Variants in ZC3HAV1 observed in about 807,000 individuals in gnomAD.
The protein encoded by ZC3HAV1 is zinc finger CCCH-type containing, antiviral 1.
A neutral mutation model predicts 86.6 loss-of-function variants in ZC3HAV1; 41 were observed. The observed-to-expected ratio is 0.47, with a 90% CI of 0.37 to 0.61. The LOEUF is 0.61. Ranked by LOEUF, ZC3HAV1 falls within the 20% of genes least tolerant of loss-of-function variation. The pLI is 0.00. For missense variants in ZC3HAV1, 964 were observed against 1,141.1 expected, an observed-to-expected ratio of 0.84 and a Z score of 2.24; for synonymous variants, 421 against 432.1, an observed-to-expected ratio of 0.97 and a Z score of 0.32.
chr7:139,099,090 C>T (rs1158099241), intron 1 of ZC3HAV1, among the ~76,000 whole-genome samples: 2 of 151,904 alleles, frequency 1.3e-5, no homozygotes, highest in Non-Finnish European at 2.9e-5. Context: ...TATCATGGTT[C>T]ACAATATTAC....
rs1379906931 is a variant in ZC3HAV1, at chr7:139,108,599, G to A, written c.308+425C>T. Among the ~76,000 whole-genome samples, 1 of 152,202 alleles carries A rather than the reference G, an allele frequency of 6.6e-6. No individual in the cohort carries two copies. The highest frequency in any genetic ancestry group is 1.9e-4 in the East Asian group (1 of 5,192). On this transcript the variant is annotated intron_variant, in intron 1 of 12. Transcript: ENST00000242351. The surrounding 1 kb of genome is among the most constrained non-coding windows in gnomAD (Gnocchi z 4.2). The stretch of plus-strand genomic sequence containing the variant: ...GCGGCTGGGTTACTGGCTCCGCCAC[G>A]TCTAGGGAAGGAGGTAGTAGGGAGG...
At chr7:139,066,885 T>C (rs1228645881) in intron 7 of ZC3HAV1, among the ~76,000 whole-genome samples, 2 of 152,168 alleles carry the variant, frequency 1.3e-5, no homozygotes, top group African/African-American at 4.8e-5. Flanking sequence ...CTTTCAAACA[T>C]TGACATACAT....
At chr7:139,101,561 G>A (rs1268696253) in intron 1 of ZC3HAV1, among the ~76,000 whole-genome samples, 27 of 134,650 alleles carry the variant, frequency 2.0e-4, no homozygotes, top group African/African-American at 7.4e-4. Flanking sequence ...GCGGTTTTGT[G>A]GAATAGAAAA....
intron 10 of ZC3HAV1, among the ~76,000 whole-genome samples, chr7:139,054,660 C>T (rs1456110122): frequency 6.6e-6 from 1 of 152,182 alleles, no homozygotes; most frequent in Non-Finnish European, 1.5e-5. Context: ...CCAAATGAGA[C>T]TGTGTGTGGC....
intron 1 of ZC3HAV1, among the ~76,000 whole-genome samples, chr7:139,097,418 ATATATATATATT>A (rs1817627349): frequency 1.3e-5 from 1 of 78,512 alleles, no homozygotes; most frequent in Non-Finnish European, 2.2e-5. Context: ...ATATATATAT[ATATATATATATT>A]TTTTTTTTTT....
At chr7:139,086,060 CTGCAGGG>C (rs1210841289) in intron 2 of ZC3HAV1, among the ~76,000 whole-genome samples, 37 of 151,930 alleles carry the variant, frequency 2.4e-4, no homozygotes, top group African/African-American at 7.3e-4. Flanking sequence ...AGCTGCAAAT[CTGCAGGG>C]ATAATTCCTC....
At chr7:139,078,923 T>C (rs1817038458) in intron 4 of ZC3HAV1, among the ~76,000 whole-genome samples, 1 of 152,238 alleles carries the variant, frequency 6.6e-6, no homozygotes, top group East Asian at 1.9e-4. Flanking sequence ...TCCCTGTGGT[T>C]CTACTGGTTG....
At chr7:139,087,689 G>T (rs1817310478) in intron 2 of ZC3HAV1, among the ~76,000 whole-genome samples, 1 of 152,040 alleles carries the variant, frequency 6.6e-6, no homozygotes, top group Non-Finnish European at 1.5e-5. Flanking sequence ...GAGTCAAAAA[G>T]TATTTAAGCC....
At position 139,079,584 on chromosome 7, in the gene ZC3HAV1, C is replaced by T. The variant is rs773786419; in HGVS notation, c.1357G>A (p.Gly453Ser). 17 of 1,613,992 alleles carry T rather than the reference C, an allele frequency of 1.1e-5. No individual in the cohort carries two copies. The highest frequency in any genetic ancestry group is 1.6e-4 in the Middle Eastern group (1 of 6,084). Residue 453 changes from glycine (G) to serine (S), a missense_variant, in exon 4 of 13, where the codon GGT becomes AGT. Transcript: ENST00000242351. ...CTAGGTGATGATATTTCTCTGTGACCGCTGCTAGTGCTTTTGTAATTTAAG... is the reference window on the plus strand; with the variant it reads ...CTAGGTGATGATATTTCTCTGTGACTGCTGCTAGTGCTTTTGTAATTTAAG... ...RSLNYKSTSS[G>S]HREISSPRIQ... is the part of the protein sequence containing the mutation.
intron 1 of ZC3HAV1, among the ~76,000 whole-genome samples, chr7:139,104,979 G>A (rs1817888497): frequency 6.8e-6 from 1 of 147,936 alleles, no homozygotes; most frequent in Admixed American, 6.8e-5. Context: ...GTTGCAGCGA[G>A]CTGAGATCAC....
intron 1 of ZC3HAV1, among the ~76,000 whole-genome samples, chr7:139,102,986 T>G (rs1053170985): frequency 6.7e-6 from 1 of 149,000 alleles, no homozygotes; most frequent in Non-Finnish European, 1.5e-5. Context: ...GTGTGTGTGT[T>G]TATATATGAT....
chr7:139,100,290 G>C (rs1012350393), intron 1 of ZC3HAV1, among the ~76,000 whole-genome samples: 2 of 152,130 alleles, frequency 1.3e-5, no homozygotes, highest in African/African-American at 4.8e-5. Flanking sequence ...CCAGCACTTT[G>C]GGAGGCCAAG....
chr7:139,105,714 A>G (rs938281035), intron 1 of ZC3HAV1, among the ~76,000 whole-genome samples: 1 of 152,212 alleles, frequency 6.6e-6, no homozygotes, highest in African/African-American at 2.4e-5. Context: ...GTAAACAGAG[A>G]CCAGTTTAGT....
At position 139,079,714 on chromosome 7, in the gene ZC3HAV1, G is replaced by A. The variant is rs778650064; in HGVS notation, c.1227C>T (p.Asp409=). ...CACTTTTGCCATTGATGATCCTGTA[G>A]TCTGAGGAAAGCAAGCCTGTGCCCT... The part of the protein sequence containing the change: ...TRKGTGLLSS[D]YRIINGKSGT... Residue 409 remains aspartate, a synonymous_variant, in exon 4 of 13, where the codon GAC becomes GAT. Transcript: ENST00000242351. 2.5e-6 allele frequency: 4 copies of A among 1,614,228 alleles called. No homozygotes were observed. Among genetic ancestry groups the A allele is most frequent in the Non-Finnish European group, 3.4e-6 (4 of 1,180,034 alleles).
intron 7 of ZC3HAV1, among the ~76,000 whole-genome samples, chr7:139,071,429 CA>C (rs1243672844): frequency 6.6e-6 from 1 of 152,164 alleles, no homozygotes; most frequent in African/African-American, 2.4e-5. Context: ...AACTAGAATG[CA>C]AATGTTTGTT....
At chr7:139,098,713 A>C (rs563227908) in intron 1 of ZC3HAV1, among the ~76,000 whole-genome samples, 4 of 152,352 alleles carry the variant, frequency 2.6e-5, no homozygotes, top group Non-Finnish European at 5.9e-5. Flanking sequence ...CTGTATGGGA[A>C]ATAGAGAAAA....
chr7:139,095,637 G>GAGGCCAA (rs1182871796), intron 1 of ZC3HAV1, among the ~76,000 whole-genome samples: 1 of 152,220 alleles, frequency 6.6e-6, no homozygotes, highest in Non-Finnish European at 1.5e-5. Flanking sequence ...GGGGAGGCCG[G>GAGGCCAA]AGGCCAAGAA....
In ZC3HAV1 at chr7:139,059,912, G is replaced by A. The variant is rs1034893674; in HGVS notation, c.2096+1124C>T. Among the ~76,000 whole-genome samples the A allele has an allele frequency of 2.0e-5, 3 of 152,136 alleles. No homozygotes were observed. The East Asian group carries it at 5.8e-4, about 29-fold the overall frequency. ...TGTTACCCAAGCAACCGTGAGGAAG[G>A]TATTATTATTAAGCCCATTTTACAG... On this transcript the variant is annotated intron_variant, in intron 9 of 12. Coordinates refer to ENST00000242351, the MANE Select transcript of ZC3HAV1 (RefSeq NM_020119.4).
At chr7:139,064,134 C>T (rs1416689474) in intron 8 of ZC3HAV1, among the ~76,000 whole-genome samples, 1 of 152,340 alleles carries the variant, frequency 6.6e-6, no homozygotes, top group East Asian at 1.9e-4. Context: ...GTAAAAGCTA[C>T]GTCATCTAAG....
Sources: allele counts gnomAD v4.1 joint callset (sites outside exome capture counted in the v4.1 genomes callset), GRCh38; gene constraint gnomAD v4.1.1; non-coding constraint Gnocchi (gnomAD v3.1); transcripts MANE v1.5; gene names NCBI Gene and HGNC (gene_info 2026-07-23, HGNC 2026-07-21).